PPID: variants seen among roughly 807,000 people sequenced by gnomAD.
PPID encodes peptidylprolyl isomerase D, also known as peptidyl-prolyl cis-trans isomerase D.
Under a neutral mutation model 48.1 loss-of-function variants are expected in PPID, and 47 were observed. The observed-to-expected ratio is 0.98, with a 90% CI of 0.77 to 1.25. The LOEUF is 1.25. Ranked by LOEUF, PPID falls within the 50% of genes most tolerant of loss-of-function variation. The pLI is 0.00. For synonymous variants in PPID, 163 were observed against 148.8 expected, an observed-to-expected ratio of 1.10 and a Z score of -0.69; for missense variants, 429 against 443.5, an observed-to-expected ratio of 0.97 and a Z score of 0.29.
At chr4:158,713,890 C>T (rs939620926) in intron 6 of PPID, among the ~76,000 whole-genome samples, 3 of 152,054 alleles carry the variant, frequency 2.0e-5, no homozygotes, top group African/African-American at 7.2e-5. Flanking sequence ...AGCGTACTAA[C>T]AAACGGAATT....
At chr4:158,719,149 T>C in intron 3 of PPID, 31 bp downstream of exon 3, 1 of 1,395,570 alleles carries the variant, frequency 7.2e-7, no homozygotes, top group East Asian at 2.3e-5. Context: ...AATCTTTTTA[T>C]CAGCAATAAC....
Position 158,715,581 on chromosome 4 carries a change from G to T in PPID, c.626C>A (p.Ala209Glu). The T allele has an allele frequency of 6.2e-7, 1 of 1,613,540 alleles. No homozygotes were observed. The highest frequency in any genetic ancestry group is 8.5e-7 in the Non-Finnish European group (1 of 1,179,638). ...ACTCACATCTTTTAAATCTATATCC[G>T]CATCCTCAGGGAAATCTGGATGACT... The part of the protein sequence containing the change: ...GDSHPDFPED[A>E]DIDLKDVDKI... The change falls in exon 5 of 10, where the codon GCG (alanine) becomes GAG (glutamate). Residue 209 changes from alanine to glutamate, a missense_variant. By Grantham distance (107) the Ala-to-Glu change is moderately radical. Coordinates refer to ENST00000307720, the MANE Select transcript of PPID (RefSeq NM_005038.3).
intron 4 of PPID, 108 bp from the exon 5 acceptor site, chr4:158,715,792 A>AATT: frequency 7.9e-7 from 1 of 1,267,374 alleles, no homozygotes; most frequent in Non-Finnish European, 1.1e-6. Flanking sequence ...GATTTATGTG[A>AATT]GAAGGCTCAT....
In PPID at chr4:158,713,202, T is replaced by C. The variant is rs923360033; in HGVS notation, c.811A>G (p.Ile271Val). The change falls in exon 7 of 10, where the codon ATA becomes GTA. Residue 271 changes from isoleucine (I) to valine (V), a missense_variant. By Grantham distance (29) the Ile-to-Val change is conservative. Coordinates refer to ENST00000307720, the MANE Select transcript of PPID (RefSeq NM_005038.3). ...ETADRAKLQP[I>V]ALSCVLNIGA... Reference sequence around the variant, plus strand: ...ATATTCAGTACACAGCTTAAAGCTATAGGTTGCAGCTTGGCTCTATCTGCT... The same window carrying C: ...ATATTCAGTACACAGCTTAAAGCTACAGGTTGCAGCTTGGCTCTATCTGCT... The C allele has an allele frequency of 8.1e-6, 13 of 1,613,824 alleles. No individual in the cohort carries two copies. The highest frequency in any genetic ancestry group is 1.1e-5 in the Non-Finnish European group (13 of 1,179,896).
At chr4:158,715,460 G>T in intron 5 of PPID, 57 bp from the exon 6 acceptor site, 1 of 1,518,688 alleles carries the variant, frequency 6.6e-7, no homozygotes, top group South Asian at 1.2e-5. Context: ...TTTAATGCTA[G>T]ATTCTATCAT....
chr4:158,718,622 T>G (rs1774908052), intron 3 of PPID, among the ~76,000 whole-genome samples: 2 of 152,200 alleles, frequency 1.3e-5, no homozygotes, highest in South Asian at 4.1e-4. Flanking sequence ...CCTAATACCC[T>G]TGCTCATATT....
At chr4:158,712,596 A>G (rs1774807608) in intron 7 of PPID, among the ~76,000 whole-genome samples, 1 of 152,160 alleles carries the variant, frequency 6.6e-6, no homozygotes, top group African/African-American at 2.4e-5. Context: ...GTCTCTACTA[A>G]AAATACAAAA....
At chr4:158,721,230 C>G in intron 2 of PPID, 113 bp downstream of exon 2, 1 of 1,262,626 alleles carries the variant, frequency 7.9e-7, no homozygotes, top group Non-Finnish European at 1.1e-6. Context: ...CAGACATGGA[C>G]GCTAATAGTA....
intron 9 of PPID, 60 bp from the exon 10 acceptor site, chr4:158,709,884 T>A: frequency 7.3e-7 from 1 of 1,375,708 alleles, no homozygotes; most frequent in Non-Finnish European, 1.0e-6. Flanking sequence ...TTATGGTGAC[T>A]AACAAACTAT....
chr4:158,714,998 G>C (rs116154456), intron 6 of PPID, among the ~76,000 whole-genome samples: 154 of 152,184 alleles, frequency 1.0e-3, no homozygotes, highest in African/African-American at 3.4e-3. Flanking sequence ...AAATACTTAG[G>C]GTAAAGTATC....
Position 158,723,274 on chromosome 4 carries a change from G to T in PPID, c.15C>A (p.Ser5=), listed in dbSNP as rs755034483. 6.8e-6 allele frequency: 11 copies of T among 1,613,898 alleles called. No homozygotes were observed. The highest frequency in any genetic ancestry group is 2.5e-6 in the Non-Finnish European group (3 of 1,179,940). ...TGGGGTTGGAGGGCTTGGCTTGGGG[G>T]GACGGGTGCGACATCTTGACTTGCA... The part of the protein sequence containing the change: MSHP[S]PQAKPSNPSN... The change falls in exon 1 of 10, where the codon TCC becomes TCA. Residue 5 remains serine (S), a synonymous_variant. Transcript: ENST00000307720.
At chr4:158,723,183 C>T (rs779189316) in intron 1 of PPID, 21 bp downstream of exon 1, 1 of 1,606,022 alleles carries the variant, frequency 6.2e-7, no homozygotes, top group Non-Finnish European at 8.5e-7. Flanking sequence ...GGCTTTTCCG[C>T]GAGCGTCAGA....
chr4:158,720,025 G>A (rs978303654), intron 2 of PPID, among the ~76,000 whole-genome samples: 13 of 152,180 alleles, frequency 8.5e-5, no homozygotes, highest in Admixed American at 8.5e-4. Context: ...GCAGCAACAT[G>A]TACACAGTAT....
At chr4:158,710,731 T>TA in intron 8 of PPID, 31 bp downstream of exon 8, 1 of 1,610,282 alleles carries the variant, frequency 6.2e-7, no homozygotes, top group Non-Finnish European at 8.5e-7. Context: ...TTGTCTATTT[T>TA]AAAAAATTAA....
intron 1 of PPID, among the ~76,000 whole-genome samples, 182 bp downstream of exon 1, chr4:158,723,022 G>A (rs1276748591): frequency 6.6e-6 from 1 of 152,174 alleles, no homozygotes; most frequent in Admixed American, 6.5e-5. Flanking sequence ...ATTGATACAA[G>A]GGCGCTGGAT....
chr4:158,712,742 G>GT (rs1561254779), intron 7 of PPID, among the ~76,000 whole-genome samples: 1 of 151,854 alleles, frequency 6.6e-6, no homozygotes, highest in African/African-American at 2.4e-5. Flanking sequence ...GGGCAACAGA[G>GT]TAAGACTCCG....
intron 3 of PPID, among the ~76,000 whole-genome samples, chr4:158,718,165 C>A (rs1219778909): frequency 6.6e-6 from 1 of 152,180 alleles, no homozygotes; most frequent in African/African-American, 2.4e-5. Flanking sequence ...TCCTTTGGTA[C>A]AACAGTAACT....
chr4:158,712,235 T>C (rs2126328241), intron 7 of PPID, among the ~76,000 whole-genome samples: 1 of 152,322 alleles, frequency 6.6e-6, no homozygotes, highest in East Asian at 1.9e-4. Flanking sequence ...TTTCTAGCTT[T>C]ATCAGTTAGC....
rs529215359 is a variant in PPID at position 158,714,282 on chromosome 4, A to G, written c.752+1015T>C. The stretch of plus-strand genomic sequence containing the variant: ...GCTTGTGGCTGACACTACTTTAACC[A>G]TGTGTGTGAACTCAAACAGGCCAAA... On this transcript the variant is annotated intron_variant, in intron 6 of 9. Transcript: ENST00000307720. 2.6e-5 allele frequency among the ~76,000 whole-genome samples: 4 copies of G among 152,336 alleles called. No homozygotes were observed. The East Asian group carries it at 7.7e-4, about 29-fold the overall frequency.
Sources: gnomAD v4.1 joint callset for allele counts (sites outside exome capture counted in the v4.1 genomes callset) on GRCh38, gnomAD v4.1.1 for gene constraint, MANE v1.5 for transcripts, NCBI Gene and HGNC (gene_info 2026-07-23, HGNC 2026-07-21) for gene names.